Variants in STXBP6 observed in about 807,000 individuals in gnomAD.
STXBP6 encodes the protein syntaxin binding protein 6.
STXBP6 carries 21 observed loss-of-function variants against 26.9 expected under a neutral mutation model. The ratio of observed to expected loss-of-function variants is 0.78; its 90% confidence interval spans 0.55 to 1.12. STXBP6 has a LOEUF of 1.12. STXBP6 is among the 50% of genes most tolerant of loss of function. STXBP6 has a pLI of 0.00. For missense variants in STXBP6, 232 were observed against 257.9 expected (o/e 0.90, Z 0.69); for synonymous variants, 97 against 92.6 (o/e 1.05, Z -0.27).
intron 2 of STXBP6, among the ~76,000 whole-genome samples, chr14:24,959,867 C>G (rs1336585328): frequency 1.3e-5 from 2 of 152,174 alleles, no homozygotes; most frequent in Non-Finnish European, 2.9e-5. Context: ...CTTTTTTAAA[C>G]AGTACAAAAG....
At chr14:24,865,165 C>A (rs552264334) in intron 2 of STXBP6, among the ~76,000 whole-genome samples, 74 of 152,178 alleles carry the variant, frequency 4.9e-4, no homozygotes, top group African/African-American at 1.7e-3. Flanking sequence ...TACATCCAAT[C>A]CAGATAAGTG....
intron 1 of STXBP6, among the ~76,000 whole-genome samples, chr14:25,040,195 A>C (rs1281603191): frequency 6.6e-6 from 1 of 152,226 alleles, no homozygotes; most frequent in Non-Finnish European, 1.5e-5. Flanking sequence ...GCCTGGGGCC[A>C]TATGAATGAG....
At chr14:25,037,868 G>A (rs1237106505) in intron 1 of STXBP6, among the ~76,000 whole-genome samples, 1 of 152,150 alleles carries the variant, frequency 6.6e-6, no homozygotes, top group Non-Finnish European at 1.5e-5. Context: ...ATTGCCCTGG[G>A]CCATCTATGC....
chr14:24,860,100 T>C (rs759122466), intron 2 of STXBP6, among the ~76,000 whole-genome samples: 2 of 152,200 alleles, frequency 1.3e-5, no homozygotes, highest in African/African-American at 2.4e-5. Flanking sequence ...ACTACTCCAG[T>C]GGAGTAACAT....
At chr14:25,038,999 CAG>C (rs1274800903) in intron 1 of STXBP6, among the ~76,000 whole-genome samples, 1 of 152,006 alleles carries the variant, frequency 6.6e-6, no homozygotes, top group Non-Finnish European at 1.5e-5. Flanking sequence ...AAATTGCTAA[CAG>C]AGTAGATTTT....
At chr14:24,913,322 A>G (rs1437423292) in intron 2 of STXBP6, among the ~76,000 whole-genome samples, 1 of 152,212 alleles carries the variant, frequency 6.6e-6, no homozygotes, top group Non-Finnish European at 1.5e-5. Context: ...ATAGTTTTAA[A>G]TAGCTAGAAG....
At chr14:25,027,463 C>A (rs988473644) in intron 1 of STXBP6, among the ~76,000 whole-genome samples, 3 of 152,168 alleles carry the variant, frequency 2.0e-5, no homozygotes, top group Non-Finnish European at 2.9e-5. Flanking sequence ...TCTGGCTGCT[C>A]CACCCACCAG....
At chr14:24,979,646 T>G (rs2074136372) in intron 1 of STXBP6, among the ~76,000 whole-genome samples, 1 of 152,196 alleles carries the variant, frequency 6.6e-6, no homozygotes, top group Admixed American at 6.5e-5. Context: ...TTTAAACCCA[T>G]ATACCTAGCT....
chr14:24,862,760 G>C (rs2069585248), intron 2 of STXBP6, among the ~76,000 whole-genome samples: 1 of 152,080 alleles, frequency 6.6e-6, no homozygotes, highest in African/African-American at 2.4e-5. Context: ...AGTAGAAGGA[G>C]AAAAATAAAA....
intron 2 of STXBP6, among the ~76,000 whole-genome samples, chr14:24,929,623 G>A (rs1402629443): frequency 1.3e-5 from 2 of 152,142 alleles, no homozygotes; most frequent in African/African-American, 2.4e-5. Flanking sequence ...AGCACTAAAC[G>A]AATACATAGC....
At chr14:24,993,650 T>C (rs528355686) in intron 1 of STXBP6, among the ~76,000 whole-genome samples, 5 of 152,302 alleles carry the variant, frequency 3.3e-5, no homozygotes, top group Non-Finnish European at 5.9e-5. Flanking sequence ...CTTTATGATA[T>C]TGGGACTAGA....
At chr14:24,834,821 T>C (rs796989422) in intron 4 of STXBP6, among the ~76,000 whole-genome samples, 10 of 152,272 alleles carry the variant, frequency 6.6e-5, no homozygotes, top group African/African-American at 2.4e-4. Context: ...TTGCAGACTA[T>C]GTATTATGGA....
intron 2 of STXBP6, among the ~76,000 whole-genome samples, chr14:24,924,897 C>A (rs547783566): frequency 6.6e-6 from 1 of 152,158 alleles, no homozygotes; most frequent in Non-Finnish European, 1.5e-5. Flanking sequence ...GCAATACCTG[C>A]GGAACTCCTT....
intron 2 of STXBP6, among the ~76,000 whole-genome samples, chr14:24,952,824 T>C (rs1238290628): frequency 6.6e-6 from 1 of 152,178 alleles, no homozygotes; most frequent in Admixed American, 6.5e-5. Context: ...AAACAAAAGA[T>C]GTGACCAGAG....
intron 2 of STXBP6, among the ~76,000 whole-genome samples, chr14:24,966,322 A>G (rs1309644636): frequency 1.3e-5 from 2 of 152,180 alleles, no homozygotes; most frequent in South Asian, 4.2e-4. Flanking sequence ...CACTCTGCTC[A>G]AGGAATGTTG....
intron 1 of STXBP6, among the ~76,000 whole-genome samples, chr14:25,048,073 GA>G (rs2075752515): frequency 6.6e-6 from 1 of 152,120 alleles, no homozygotes; most frequent in African/African-American, 2.4e-5. Flanking sequence ...GATAGAGAAA[GA>G]AAAAGGGTAA....
At chr14:24,960,653 AAGAAC>A (rs2073502535) in intron 2 of STXBP6, among the ~76,000 whole-genome samples, 1 of 152,182 alleles carries the variant, frequency 6.6e-6, no homozygotes, top group South Asian at 2.1e-4. Context: ...CAAGTCTAGG[AAGAAC>A]TGACAGAAGT....
intron 1 of STXBP6, among the ~76,000 whole-genome samples, chr14:25,015,465 C>T (rs2075128653): frequency 6.6e-6 from 1 of 151,908 alleles, no homozygotes; most frequent in South Asian, 2.1e-4. Flanking sequence ...CAAGATTCCA[C>T]ACCTGGCAAG....
chr14:24,819,242 C>T (rs369714836), intron 4 of STXBP6, 48 bp from the exon 5 acceptor site: 110 of 1,611,032 alleles, frequency 6.8e-5, no homozygotes, highest in Non-Finnish European at 8.7e-5. Flanking sequence ...AGCTGACCCA[C>T]AGTGACCAGA....
Sources: allele counts gnomAD v4.1 joint callset (sites outside exome capture counted in the v4.1 genomes callset), GRCh38; gene constraint gnomAD v4.1.1; transcripts MANE v1.5; gene names NCBI Gene and HGNC (gene_info 2026-07-23, HGNC 2026-07-21).